BCAS3: variants seen among roughly 807,000 people sequenced by gnomAD.
The protein encoded by BCAS3 is BCAS3 microtubule associated cell migration factor.
BCAS3 carries 53 observed loss-of-function variants against 116.1 expected under a neutral mutation model. The ratio of observed to expected loss-of-function variants is 0.46; its 90% CI spans 0.37 to 0.57. The LOEUF (loss-of-function observed/expected upper bound fraction) is 0.57. Ranked by LOEUF, BCAS3 falls within the 20% of genes least tolerant of loss-of-function variation. BCAS3 has a pLI of 0.00. For synonymous variants in BCAS3, 391 were observed against 408.2 expected, an observed-to-expected ratio of 0.96 and a Z score of 0.51; for missense variants, 917 against 1,165.4, an observed-to-expected ratio of 0.79 and a Z score of 3.10.
In BCAS3 at chr17:60,975,958, T is replaced by G. The variant is rs145675428; in HGVS notation, c.1222-14013T>G. Among the ~76,000 whole-genome samples the G allele has an allele frequency of 8.1e-4, 124 of 152,158 alleles. No homozygotes were observed. The Middle Eastern group carries it at 0.01, about 13-fold the overall frequency. ...TATTCATTTATCAATTGATAGACAT[T>G]TAAGTTGTTTCCACATTTGGGCTTA... On this transcript the variant is annotated intron_variant, in intron 14 of 23. Coordinates refer to ENST00000407086, the MANE Select transcript of BCAS3 (RefSeq NM_017679.5).
intron 7 of BCAS3, among the ~76,000 whole-genome samples, chr17:60,840,245 T>C (rs1187953746): frequency 6.6e-6 from 1 of 152,198 alleles, no homozygotes; most frequent in Non-Finnish European, 1.5e-5. Context: ...TTTGTAATTC[T>C]TGTTTTTCAT....
rs1022193701 is a variant in BCAS3 at position 61,145,321 on chromosome 17, C to T, written c.2425+60757C>T. ...GACAGTTCACATCCTGGGGCAGCAG[C>T]GGGGTCTGGCCTGCAGAAAGGAGCA... On this transcript the variant is annotated intron_variant, in intron 22 of 23. Coordinates refer to ENST00000407086, the MANE Select transcript of BCAS3 (RefSeq NM_017679.5). The surrounding 1 kb of genome is among the most constrained non-coding windows in gnomAD (Gnocchi z 5.0). 3.9e-5 allele frequency among the ~76,000 whole-genome samples: 6 copies of T among 152,184 alleles called. No homozygotes were observed. The highest frequency in any genetic ancestry group is 2.1e-4 in the South Asian group (1 of 4,824).
At chr17:61,305,028 A>T (rs188975109) in intron 22 of BCAS3, among the ~76,000 whole-genome samples, 97 of 152,234 alleles carry the variant, frequency 6.4e-4, no homozygotes, top group Non-Finnish European at 1.1e-3. Context: ...ATGTGCTGGG[A>T]TTATAGGCAT....
chr17:60,782,681 G>A (rs1158231189), intron 6 of BCAS3, among the ~76,000 whole-genome samples: 1 of 151,682 alleles, frequency 6.6e-6, no homozygotes, highest in African/African-American at 2.4e-5. Context: ...TGCCTCTCAG[G>A]TTCTAGCAAT....
chr17:61,220,866 C>T lies in BCAS3; in HGVS notation c.2425+136302C>T, dbSNP rs1187459390. On this transcript the variant is annotated intron_variant, in intron 22 of 23. Transcript: ENST00000407086. This position sits in a 1 kb window ranked among gnomAD's most constrained non-coding sequence, Gnocchi z 4.5. Reference sequence around the variant, plus strand: ...CTGTAATCCCAGCACTTTGGGAGGCCGAGGTGGGTGGATCACGAGGTCAGG... The same window carrying T: ...CTGTAATCCCAGCACTTTGGGAGGCTGAGGTGGGTGGATCACGAGGTCAGG... 1.3e-5 allele frequency among the ~76,000 whole-genome samples: 2 copies of T among 151,976 alleles called. No individual in the cohort carries two copies. Among genetic ancestry groups the T allele is most frequent in the Non-Finnish European group, 2.9e-5 (2 of 67,986 alleles).
chr17:61,224,184 A>C lies in BCAS3; in HGVS notation c.2425+139620A>C, dbSNP rs192420290. Among the ~76,000 whole-genome samples, 13 of 152,344 alleles carry C rather than the reference A, an allele frequency of 8.5e-5. No individual in the cohort carries two copies. The South Asian group carries it at 1.0e-3, about 12-fold the overall frequency. On this transcript the variant is annotated intron_variant, in intron 22 of 23. Transcript: ENST00000407086. The surrounding 1 kb of genome is among the most constrained non-coding windows in gnomAD (Gnocchi z 5.7). ...CATTGATTTATAAGAGAAATCTTTA[A>C]GCATCTATCATGTGCATCTCTGTAC...
In BCAS3 at chr17:61,300,810, C is replaced by T. The variant is rs2053369002; in HGVS notation, c.2426-67517C>T. On this transcript the variant is annotated intron_variant, in intron 22 of 23. Transcript: ENST00000407086. The surrounding 1 kb of genome is among the most constrained non-coding windows in gnomAD (Gnocchi z 5.1). Reference sequence around the variant, plus strand: ...CTACACTCTGATTTTGTTCCAGCAGCTTTCCTCCTCCCTCCCTCTTCTAGC... The same window carrying T: ...CTACACTCTGATTTTGTTCCAGCAGTTTTCCTCCTCCCTCCCTCTTCTAGC... Among the ~76,000 whole-genome samples, 1 of 152,160 alleles carries T rather than the reference C, an allele frequency of 6.6e-6. No homozygotes were observed. The highest frequency in any genetic ancestry group is 1.5e-5 in the Non-Finnish European group (1 of 68,028).
In BCAS3 at chr17:60,993,969, A is replaced by G. The variant is rs2063690044; in HGVS notation, c.1486+3734A>G. Among the ~76,000 whole-genome samples, 1 of 152,114 alleles carries G rather than the reference A, an allele frequency of 6.6e-6. No homozygotes were observed. Among genetic ancestry groups the G allele is most frequent in the Non-Finnish European group, 1.5e-5 (1 of 67,994 alleles). ...CCATTTCCTATCTTGTTGCCTGAAC[A>G]TCCACTTAGTCTACTTGAGGACTTC... On this transcript the variant is annotated intron_variant, in intron 15 of 23. Coordinates refer to ENST00000407086, the MANE Select transcript of BCAS3 (RefSeq NM_017679.5). This position sits in a 1 kb window ranked among gnomAD's most constrained non-coding sequence, Gnocchi z 4.2.
intron 23 of BCAS3, among the ~76,000 whole-genome samples, chr17:61,374,201 T>C (rs34890771): frequency 0.049 from 7,343 of 149,436 alleles, 197 homozygotes; most frequent in Non-Finnish European, 0.059. Context: ...TTTTTTTTTT[T>C]TCTCTGTCAC....
At position 61,309,583 on chromosome 17, in the gene BCAS3, C is replaced by T. The variant is rs558346003; in HGVS notation, c.2426-58744C>T. On this transcript the variant is annotated intron_variant, in intron 22 of 23. Transcript: ENST00000407086. This position sits in a 1 kb window ranked among gnomAD's most constrained non-coding sequence, Gnocchi z 4.6. ...AAGAATATTTTGATTTGTTTGTTTTCCCTGAGAAAGAACAGTTTCTATCTC... is the reference window on the plus strand; with the variant it reads ...AAGAATATTTTGATTTGTTTGTTTTTCCTGAGAAAGAACAGTTTCTATCTC... Among the ~76,000 whole-genome samples, 1 of 152,310 alleles carries T rather than the reference C, an allele frequency of 6.6e-6. No homozygotes were observed. Among genetic ancestry groups the T allele is most frequent in the African/African-American group, 2.4e-5 (1 of 41,564 alleles).
chr17:61,192,375 C>T (rs150145563), intron 22 of BCAS3, among the ~76,000 whole-genome samples: 7 of 151,668 alleles, frequency 4.6e-5, no homozygotes, highest in African/African-American at 1.7e-4. Flanking sequence ...GAATTGTAGA[C>T]CTCAGATTGA....
chr17:60,754,631 C>T (rs1472466137), intron 6 of BCAS3, among the ~76,000 whole-genome samples: 1 of 151,818 alleles, frequency 6.6e-6, no homozygotes, highest in Non-Finnish European at 1.5e-5. Flanking sequence ...GAAAGACAAT[C>T]ATTTTGGCCT....
intron 2 of BCAS3, among the ~76,000 whole-genome samples, chr17:60,680,822 A>G (rs1268589770): frequency 6.6e-6 from 1 of 151,942 alleles, no homozygotes; most frequent in Non-Finnish European, 1.5e-5. Flanking sequence ...CAAATTTTGT[A>G]TTTTTAGCAA....
At chr17:60,793,775 A>G (rs1322461895) in intron 6 of BCAS3, among the ~76,000 whole-genome samples, 1 of 152,142 alleles carries the variant, frequency 6.6e-6, no homozygotes. Context: ...ATATATATAT[A>G]TATACACACC....
In BCAS3 at chr17:61,309,731, G is replaced by A. The variant is rs1287221964; in HGVS notation, c.2426-58596G>A. ...CCAGGGTCTTTGGGATTGCGGAACA[G>A]CTGCTGTGGAAAAGTAGTGGCCTGT... On this transcript the variant is annotated intron_variant, in intron 22 of 23. Transcript: ENST00000407086. The surrounding 1 kb of genome is among the most constrained non-coding windows in gnomAD (Gnocchi z 4.6). Among the ~76,000 whole-genome samples the A allele has an allele frequency of 1.3e-5, 2 of 152,196 alleles. No individual in the cohort carries two copies. The highest frequency in any genetic ancestry group is 2.9e-5 in the Non-Finnish European group (2 of 68,028).
intron 22 of BCAS3, among the ~76,000 whole-genome samples, chr17:61,294,043 G>C (rs527589415): frequency 1.3e-5 from 2 of 152,208 alleles, no homozygotes; most frequent in African/African-American, 4.8e-5. Context: ...GATTACAGGC[G>C]TGAGCCACAG....
intron 6 of BCAS3, among the ~76,000 whole-genome samples, chr17:60,766,967 C>A (rs910012112): frequency 1.3e-5 from 2 of 152,238 alleles, no homozygotes; most frequent in Non-Finnish European, 2.9e-5. Context: ...GCTGCTCTAG[C>A]AGTGAGCAAG....
At chr17:61,275,873 G>A (rs1321790664) in intron 22 of BCAS3, among the ~76,000 whole-genome samples, 2 of 152,134 alleles carry the variant, frequency 1.3e-5, no homozygotes, top group Non-Finnish European at 2.9e-5. Flanking sequence ...TTTTTCTTAT[G>A]ATTAACCCCA....
chr17:60,998,138 C>T (rs2063969518), intron 15 of BCAS3, among the ~76,000 whole-genome samples: 1 of 152,180 alleles, frequency 6.6e-6, no homozygotes, highest in Non-Finnish European at 1.5e-5. Context: ...AGGATAACGA[C>T]CTCCAGCAGC....
Sources: allele counts gnomAD v4.1 joint callset (sites outside exome capture counted in the v4.1 genomes callset), GRCh38; gene constraint gnomAD v4.1.1; non-coding constraint Gnocchi (gnomAD v3.1); transcripts MANE v1.5; gene names NCBI Gene and HGNC (gene_info 2026-07-23, HGNC 2026-07-21).